Variants in MMP27 observed in about 807,000 individuals in gnomAD.
MMP27 encodes matrix metalloproteinase-27.
A neutral mutation model predicts 48.1 loss-of-function variants in MMP27; 51 were observed. The observed-to-expected ratio is 1.06, with a 90% CI of 0.85 to 1.34. The LOEUF (loss-of-function observed/expected upper bound fraction) is 1.34. Among genes scored for constraint, MMP27 ranks in the 40% most tolerant of loss-of-function variants. The pLI, the probability that MMP27 is intolerant of heterozygous loss-of-function variation, is 0.00. For synonymous variants in MMP27, 229 were observed against 208.9 expected (o/e 1.10, Z -0.83); for missense variants, 698 against 619.3 (o/e 1.13, Z -1.35).
At position 102,702,997 on chromosome 11, in the gene MMP27, C is replaced by T. The variant is rs370166457; in HGVS notation, c.463G>A (p.Asp155Asn). The T allele has an allele frequency of 4.3e-6, 7 of 1,614,062 alleles. No individual in the cohort carries two copies. Among genetic ancestry groups the T allele is most frequent in the African/African-American group, 2.7e-5 (2 of 74,938 alleles). The change falls in exon 3 of 10, where the codon GAC (aspartate) becomes AAC (asparagine). Residue 155 changes from aspartate (D) to asparagine (N), a missense_variant. Transcript: ENST00000260229. ...KFTKISKGIA[D>N]IMIAFRTRVH... Reference sequence around the variant, plus strand: ...CGAGTCCTAAAGGCAATCATGATGTCTGCAATCCCCTTTGAAATCTTGGTG... The same window carrying T: ...CGAGTCCTAAAGGCAATCATGATGTTTGCAATCCCCTTTGAAATCTTGGTG...
chr11:102,702,788 A>T lies in MMP27; in HGVS notation c.584T>A (p.Phe195Tyr), dbSNP rs1397792410. Residue 195 changes from phenylalanine (F) to tyrosine (Y), a missense_variant, in exon 4 of 10, where the codon TTT becomes TAT. Physicochemically the swap from Phe to Tyr is conservative, Grantham distance 22. Transcript: ENST00000260229. ...PGPGLGGDTH[F>Y]DEDENWTKDG... ...CTTGGTCCAGTTTTCATCCTCATCA[A>T]AATGAGTGTCACCACCCAGACCCGG... The T allele has an allele frequency of 1.8e-5, 29 of 1,613,840 alleles. No individual in the cohort carries two copies. The highest frequency in any genetic ancestry group is 2.4e-5 in the Non-Finnish European group (28 of 1,179,974).
intron 5 of MMP27, 62 bp downstream of exon 5, chr11:102,696,612 A>G: frequency 6.4e-7 from 1 of 1,570,652 alleles, no homozygotes; most frequent in Non-Finnish European, 8.6e-7. Flanking sequence ...GATTTTCTTA[A>G]CTTCCTTTCT....
At chr11:102,696,597 G>C in intron 5 of MMP27, 77 bp downstream of exon 5, 1 of 1,568,058 alleles carries the variant, frequency 6.4e-7, no homozygotes, top group Non-Finnish European at 8.6e-7. Context: ...AATATTTCAA[G>C]AAGTGATTTT....
chr11:102,695,083 A>G lies in MMP27; in HGVS notation c.917T>C (p.Ile306Thr). 1 of 1,613,862 alleles carries G rather than the reference A, an allele frequency of 6.2e-7. No individual in the cohort carries two copies. The highest frequency in any genetic ancestry group is 8.5e-7 in the Non-Finnish European group (1 of 1,179,884). ...MFFKGRHLWR[I>T]YYDITDVEFE... ...CTCAACATCCGTGATATCATAATAGATCCTCCATAGGTGCCTGTGTTAAAC... is the reference window on the plus strand; with the variant it reads ...CTCAACATCCGTGATATCATAATAGGTCCTCCATAGGTGCCTGTGTTAAAC... The change falls in exon 7 of 10, where the codon ATC (isoleucine) becomes ACC (threonine). Residue 306 changes from isoleucine to threonine, a missense_variant. Ile to Thr is a moderately conservative substitution (Grantham distance 89). Transcript: ENST00000260229.
chr11:102,699,012 A>G (rs1419032620), intron 4 of MMP27, among the ~76,000 whole-genome samples: 1 of 148,786 alleles, frequency 6.7e-6, no homozygotes, highest in Non-Finnish European at 1.5e-5. Flanking sequence ...CTGCTTAATA[A>G]TGATTAATGG....
intron 4 of MMP27, among the ~76,000 whole-genome samples, chr11:102,699,817 G>A (rs4121468): frequency 0.036 from 5,543 of 152,214 alleles, 294 homozygotes; most frequent in African/African-American, 0.11. Flanking sequence ...AATCCTATTC[G>A]CCATTTTAGC....
rs559179374 is a variant in MMP27, at chr11:102,694,275, G to A, written c.1034-210C>T. Among the ~76,000 whole-genome samples the A allele has an allele frequency of 1.7e-4, 26 of 152,146 alleles. No individual in the cohort carries two copies. In the East Asian group the frequency reaches 1.9e-3, roughly 11 times the overall value. The stretch of plus-strand genomic sequence containing the variant: ...ATACCTGTAAAAGTCAATAGTATGC[G>A]TACCTTTGTCAATTGGTTTCATTGC... On this transcript the variant is annotated intron_variant, in intron 7 of 9. Coordinates refer to ENST00000260229, the MANE Select transcript of MMP27 (RefSeq NM_022122.3).
chr11:102,694,823 T>A, intron 7 of MMP27, 144 bp downstream of exon 7: 1 of 829,114 alleles, frequency 1.2e-6, no homozygotes, highest in Non-Finnish European at 1.8e-6. Flanking sequence ...TGGTTATTTA[T>A]ATTCTTTACG....
At chr11:102,693,356 T>C (rs1860760205) in intron 8 of MMP27, among the ~76,000 whole-genome samples, 1 of 152,200 alleles carries the variant, frequency 6.6e-6, no homozygotes, top group African/African-American at 2.4e-5. Context: ...GTTTGTGTCA[T>C]TGGCAATTTG....
At chr11:102,700,288 C>G (rs1860915929) in intron 4 of MMP27, among the ~76,000 whole-genome samples, 1 of 152,248 alleles carries the variant, frequency 6.6e-6, no homozygotes, top group African/African-American at 2.4e-5. Context: ...ACAAAAGTCT[C>G]TGTCTCATGG....
rs1270527489 is a variant in MMP27, at chr11:102,703,016, C to A, written c.444G>T (p.Lys148Asn). The A allele has an allele frequency of 5.0e-6, 8 of 1,614,162 alleles. No individual in the cohort carries two copies. Among genetic ancestry groups the A allele is most frequent in the Non-Finnish European group, 5.9e-6 (7 of 1,180,010 alleles). The change falls in exon 3 of 10, where the codon AAG (lysine) becomes AAT (asparagine). Residue 148 changes from lysine (K) to asparagine (N), a missense_variant. By Grantham distance (94) the Lys-to-Asn change is moderately conservative. Transcript: ENST00000260229. Reference sequence around the variant, plus strand: ...TGATGTCTGCAATCCCCTTTGAAATCTTGGTGAATTTTAGTGGAGTGACTT... The same window carrying A: ...TGATGTCTGCAATCCCCTTTGAAATATTGGTGAATTTTAGTGGAGTGACTT... The part of the protein sequence containing the change: ...WSKVTPLKFT[K>N]ISKGIADIMI...
chr11:102,694,078 G>C lies in MMP27; in HGVS notation c.1034-13C>G. 1 of 1,529,140 alleles carries C rather than the reference G, an allele frequency of 6.5e-7. No individual in the cohort carries two copies. Among genetic ancestry groups the C allele is most frequent in the East Asian group, 2.4e-5 (1 of 41,426 alleles). 94.7% of individuals were successfully genotyped at this position (1,529,140 alleles called of 1,614,324 possible). Reference sequence around the variant, plus strand: ...CAGAAGTTTTCATCTAGGAAGAGAGGAGTGATTATTTATTTTCTAGAGGGA... The same window carrying C: ...CAGAAGTTTTCATCTAGGAAGAGAGCAGTGATTATTTATTTTCTAGAGGGA... On this transcript the variant is annotated splice_polypyrimidine_tract_variant and intron_variant, in intron 7 of 9. Coordinates refer to ENST00000260229, the MANE Select transcript of MMP27 (RefSeq NM_022122.3).
At chr11:102,692,462 G>A (rs866272587) in intron 9 of MMP27, among the ~76,000 whole-genome samples, 1 of 152,144 alleles carries the variant, frequency 6.6e-6, no homozygotes, top group South Asian at 2.1e-4. Flanking sequence ...ATTACCCCAT[G>A]GTCTAGGTCA....
intron 6 of MMP27, among the ~76,000 whole-genome samples, chr11:102,695,450 G>A (rs1281937520): frequency 6.6e-6 from 1 of 152,190 alleles, no homozygotes; most frequent in Non-Finnish European, 1.5e-5. Context: ...TGAAGCAGAT[G>A]CTTGCTGGAA....
At chr11:102,705,199 T>C (rs189465336) in intron 1 of MMP27, among the ~76,000 whole-genome samples, 5 of 152,352 alleles carry the variant, frequency 3.3e-5, no homozygotes, top group East Asian at 1.9e-4. Context: ...TAACCAAAAA[T>C]AAAAAGTTAA....
Position 102,705,684 on chromosome 11 carries a change from A to G in MMP27, c.31T>C (p.Phe11Leu). 6 of 1,607,516 alleles carry G rather than the reference A, an allele frequency of 3.7e-6. No homozygotes were observed. The highest frequency in any genetic ancestry group is 5.1e-6 in the Non-Finnish European group (6 of 1,177,992). The change falls in exon 1 of 10, where the codon TTT becomes CTT. Residue 11 changes from phenylalanine to leucine, a missense_variant. Coordinates refer to ENST00000260229, the MANE Select transcript of MMP27 (RefSeq NM_022122.3). ...GGAAATGCAGAAGAAAATGTTATAA[A>G]GAACAAAAACAGAAGCAGAAGGCGC... MKRLLLLFLFFITFSSAFPLV... is the reference protein window; with the variant it reads MKRLLLLFLFLITFSSAFPLV...
Position 102,704,135 on chromosome 11 carries a change from CAT to C in MMP27, c.341+400_341+401del, listed in dbSNP as rs200255696. On this transcript the variant is annotated intron_variant, in intron 2 of 9. Transcript: ENST00000260229. ...TTGGCAACTCTCTCTCTCACACACA[CAT>C]GTCTCTGACATAAACTGGTTGTGTT... Among the ~76,000 whole-genome samples, 857 of 152,312 alleles carry C rather than the reference CAT, an allele frequency of 5.6e-3. 7 individuals carry two copies. The highest frequency in any genetic ancestry group is 0.02 in the Middle Eastern group (6 of 294).
Position 102,696,694 on chromosome 11 carries a change from T to C in MMP27, c.761A>G (p.Asn254Ser), listed in dbSNP as rs373779921. ...RKYPLSQDDI[N>S]GIQSIYGGLP... ...CTCACCATAGATGGACTGGATTCCATTGATATCATCCTGAGAAAGTGGGTA... is the reference window on the plus strand; with the variant it reads ...CTCACCATAGATGGACTGGATTCCACTGATATCATCCTGAGAAAGTGGGTA... The change falls in exon 5 of 10, where the codon AAT becomes AGT. Residue 254 changes from asparagine (N) to serine (S), a missense_variant. Transcript: ENST00000260229. 4.0e-5 allele frequency: 64 copies of C among 1,613,330 alleles called. No homozygotes were observed. Among genetic ancestry groups the C allele is most frequent in the African/African-American group, 6.7e-5 (5 of 75,014 alleles).
intron 4 of MMP27, among the ~76,000 whole-genome samples, chr11:102,701,979 G>A (rs1189848289): frequency 6.6e-6 from 1 of 152,152 alleles, no homozygotes; most frequent in African/African-American, 2.4e-5. Flanking sequence ...CAGACCCAAG[G>A]TAACTATTGC....
Sources: allele counts gnomAD v4.1 joint callset (sites outside exome capture counted in the v4.1 genomes callset), GRCh38; gene constraint gnomAD v4.1.1; transcripts MANE v1.5; gene names NCBI Gene and HGNC (gene_info 2026-07-23, HGNC 2026-07-21).